GALM: variants seen among roughly 807,000 people sequenced by gnomAD.
The protein encoded by GALM is aldose 1-epimerase.
In GALM, 43 loss-of-function variants were observed where a neutral mutation model predicts 37.4. The ratio of observed to expected loss-of-function variants is 1.15; its 90% confidence interval spans 0.90 to 1.48. GALM has a LOEUF of 1.48. Ranked by LOEUF, GALM falls within the 40% of genes most tolerant of loss-of-function variation. The pLI, the probability that GALM is intolerant of heterozygous loss-of-function variation, is 0.00. For synonymous variants in GALM, 199 were observed against 170.6 expected, an observed-to-expected ratio of 1.17 and a Z score of -1.30; for missense variants, 456 against 419.1, an observed-to-expected ratio of 1.09 and a Z score of -0.77.
chr2:38,669,383 G>T (rs1030754886), intron 1 of GALM: 1 of 152,212 alleles, frequency 6.6e-6, no homozygotes, highest in Non-Finnish European at 1.5e-5. Context: ...TTGCTCAATC[G>T]ATCACGACCC....
intron 4 of GALM, among the ~76,000 whole-genome samples, chr2:38,721,800 G>A (rs1364383881): frequency 6.6e-6 from 1 of 152,058 alleles, no homozygotes; most frequent in African/African-American, 2.4e-5. Flanking sequence ...ACAGGCGTGA[G>A]CCACCGCGCC....
intron 4 of GALM, among the ~76,000 whole-genome samples, chr2:38,721,189 T>G (rs573055107): frequency 1.3e-5 from 2 of 152,348 alleles, no homozygotes; most frequent in East Asian, 3.9e-4. Context: ...GCAGATGGAT[T>G]TTGTGAAGGC....
chr2:38,700,743 G>T (rs183096051), intron 4 of GALM, among the ~76,000 whole-genome samples: 1 of 152,082 alleles, frequency 6.6e-6, no homozygotes, highest in African/African-American at 2.4e-5. Context: ...ATTGATAGGT[G>T]AGGACTTCTG....
At chr2:38,716,557 G>A (rs1360723795) in intron 4 of GALM, among the ~76,000 whole-genome samples, 1 of 152,222 alleles carries the variant, frequency 6.6e-6, no homozygotes, top group Non-Finnish European at 1.5e-5. Context: ...CATTCTGTAT[G>A]TGTGTGTGCA....
intron 4 of GALM, among the ~76,000 whole-genome samples, chr2:38,723,727 G>T (rs867050103): frequency 6.6e-6 from 1 of 152,100 alleles, no homozygotes; most frequent in African/African-American, 2.4e-5. Flanking sequence ...GGAGTTTGAG[G>T]CTGCAGTAAG....
intron 3 of GALM, among the ~76,000 whole-genome samples, chr2:38,686,267 T>TCTTTC (rs1665527111): frequency 5.3e-5 from 5 of 94,360 alleles, no homozygotes; most frequent in African/African-American, 2.5e-4. Context: ...TTTCTTTCTT[T>TCTTTC]CTTTCTTTCT....
At position 38,731,842 on chromosome 2, in the gene GALM, G is replaced by A. The variant is rs943657006; in HGVS notation, c.884G>A (p.Gly295Glu). 2.5e-6 allele frequency: 4 copies of A among 1,614,102 alleles called. No homozygotes were observed. The highest frequency in any genetic ancestry group is 3.4e-6 in the Non-Finnish European group (4 of 1,180,006). Residue 295 changes from glycine (G) to glutamate (E), a missense_variant, in exon 6 of 7, where the codon GGA becomes GAA. Transcript: ENST00000272252. ...GATGGCACATTAAAGGGCAAGAATG[G>A]AGCTGTCTATCCCAAGCACTCCGGT... ...FLDGTLKGKN[G>E]AVYPKHSGFC...
chr2:38,697,359 G>A (rs1213106550), intron 4 of GALM, among the ~76,000 whole-genome samples: 4 of 152,150 alleles, frequency 2.6e-5, no homozygotes, highest in Non-Finnish European at 4.4e-5. Flanking sequence ...TTGCTTCTCA[G>A]ATTGTATCTT....
At chr2:38,729,515 T>C (rs373258222) in intron 4 of GALM, 41 bp from the exon 5 acceptor site, 4 of 1,597,128 alleles carry the variant, frequency 2.5e-6, no homozygotes, top group Admixed American at 1.7e-5. Context: ...AAGATGAGAC[T>C]TGGGCATTTA....
At chr2:38,731,596 T>TCCTA in intron 5 of GALM, 139 bp from the exon 6 acceptor site, 1 of 680,442 alleles carries the variant, frequency 1.5e-6, no homozygotes. Context: ...ATCATGCTCT[T>TCCTA]CCTACCTTCA....
At chr2:38,684,057 C>CCATA (rs1488696867) in intron 3 of GALM, among the ~76,000 whole-genome samples, 1 of 152,152 alleles carries the variant, frequency 6.6e-6, no homozygotes, top group Non-Finnish European at 1.5e-5. Context: ...ATATCTCTTG[C>CCATA]CATACCTTGA....
intron 4 of GALM, among the ~76,000 whole-genome samples, chr2:38,727,179 G>A (rs1666503651): frequency 6.7e-6 from 1 of 149,076 alleles, no homozygotes; most frequent in Non-Finnish European, 1.5e-5. Flanking sequence ...TTGAGCCACT[G>A]CACTCCAGCT....
chr2:38,666,197 G>A lies in GALM; in HGVS notation c.36G>A (p.Leu12=), dbSNP rs1664927236. The A allele has an allele frequency of 6.2e-7, 1 of 1,613,834 alleles. No homozygotes were observed. The highest frequency in any genetic ancestry group is 8.5e-7 in the Non-Finnish European group (1 of 1,179,842). Residue 12 remains leucine (L), a synonymous_variant, in exon 1 of 7, where the codon CTG becomes CTA. Transcript: ENST00000272252. ...ASVTRAVFGE[L]PSGGGTVEKF... is the part of the protein sequence containing the mutation. ...TGACCAGGGCCGTGTTTGGAGAGCT[G>A]CCCTCGGGAGGAGGGACAGTGGAGA...
At chr2:38,706,588 A>C (rs1463931566) in intron 4 of GALM, among the ~76,000 whole-genome samples, 2 of 150,818 alleles carry the variant, frequency 1.3e-5, no homozygotes, top group Admixed American at 1.3e-4. Flanking sequence ...GCTGAGGCTC[A>C]AGGATTCCTT....
intron 4 of GALM, among the ~76,000 whole-genome samples, chr2:38,703,826 A>G (rs1345496433): frequency 1.3e-5 from 2 of 152,024 alleles, no homozygotes; most frequent in Admixed American, 6.6e-5. Flanking sequence ...CAGCCTGGGC[A>G]ACATGTTGAA....
Position 38,675,533 on chromosome 2 carries a change from T to G in GALM, c.191-379T>G, listed in dbSNP as rs1316435574. ...TGGATTGAGGGTTTTTTTGTTTTTTTTTTTTTTTTTTGTGTGTGTGTGTGT... is the reference window on the plus strand; with the variant it reads ...TGGATTGAGGGTTTTTTTGTTTTTTGTTTTTTTTTTTGTGTGTGTGTGTGT... On this transcript the variant is annotated intron_variant, in intron 1 of 6. Coordinates refer to ENST00000272252, the MANE Select transcript of GALM (RefSeq NM_138801.3). Among the ~76,000 whole-genome samples, 102 of 89,596 alleles carry G rather than the reference T, an allele frequency of 1.1e-3. 4 individuals are homozygous for G. The highest frequency in any genetic ancestry group is 4.6e-3 in the East Asian group (11 of 2,378). 58.8% of individuals were successfully genotyped at this position (89,596 alleles called of 152,430 possible).
chr2:38,728,202 T>C (rs1191940109), intron 4 of GALM, among the ~76,000 whole-genome samples: 1 of 152,118 alleles, frequency 6.6e-6, no homozygotes, highest in African/African-American at 2.4e-5. Flanking sequence ...GAGACTAGCC[T>C]GGCCAACATG....
chr2:38,711,190 C>G, intron 4 of GALM, among the ~76,000 whole-genome samples: 1 of 142,772 alleles, frequency 7.0e-6, no homozygotes, highest in South Asian at 2.3e-4. Context: ...GACGGAGTCT[C>G]GCTCTGTTGC....
At chr2:38,683,067 T>A (rs1280703857) in intron 3 of GALM, among the ~76,000 whole-genome samples, 1 of 152,164 alleles carries the variant, frequency 6.6e-6, no homozygotes, top group African/African-American at 2.4e-5. Flanking sequence ...GTTTTTTACA[T>A]TTTTTGCATA....
Sources: gnomAD v4.1 joint callset for allele counts (sites outside exome capture counted in the v4.1 genomes callset) on GRCh38, gnomAD v4.1.1 for gene constraint, MANE v1.5 for transcripts, NCBI Gene and HGNC (gene_info 2026-07-23, HGNC 2026-07-21) for gene names.